SLC4A10: variants seen among roughly 807,000 people sequenced by gnomAD.
The protein encoded by SLC4A10 is sodium-driven chloride bicarbonate exchanger.
SLC4A10 carries 42 observed loss-of-function variants against 137.7 expected under a neutral mutation model. That is an observed-to-expected ratio of 0.30 (90% CI 0.24 to 0.39). SLC4A10 has a LOEUF of 0.39. Among genes scored for constraint, SLC4A10 ranks in the 10% least tolerant of loss-of-function variants. SLC4A10 has a pLI of 1.00. For synonymous variants in SLC4A10, 474 were observed against 464.1 expected (o/e 1.02, Z -0.27); for missense variants, 925 against 1,355.0 (o/e 0.68, Z 4.98).
intron 15 of SLC4A10, among the ~76,000 whole-genome samples, chr2:161,912,591 C>T (rs895577487): frequency 6.6e-6 from 1 of 152,066 alleles, no homozygotes; most frequent in Non-Finnish European, 1.5e-5. Flanking sequence ...GTATTCTGAT[C>T]AGGAGTCCTA....
chr2:161,770,620 A>C (rs961761246), intron 1 of SLC4A10, among the ~76,000 whole-genome samples: 3 of 151,892 alleles, frequency 2.0e-5, no homozygotes, highest in African/African-American at 7.2e-5. Flanking sequence ...GCATAGTTCA[A>C]AATGTCATCT....
intron 1 of SLC4A10, among the ~76,000 whole-genome samples, chr2:161,682,736 G>A (rs563652398): frequency 6.6e-6 from 1 of 152,126 alleles, no homozygotes; most frequent in East Asian, 1.9e-4. Context: ...GAACGGCTAG[G>A]TATTCTTTCT....
At chr2:161,816,710 G>T (rs1478409822) in intron 3 of SLC4A10, among the ~76,000 whole-genome samples, 1 of 142,130 alleles carries the variant, frequency 7.0e-6, no homozygotes, top group African/African-American at 2.6e-5. Context: ...ATTCCCACCT[G>T]TGAGTGACAA....
chr2:161,677,100 T>G (rs1318320328), intron 1 of SLC4A10, among the ~76,000 whole-genome samples: 1 of 152,164 alleles, frequency 6.6e-6, no homozygotes, highest in Non-Finnish European at 1.5e-5. Context: ...GGATCCCTCA[T>G]GAATGGCTTG....
intron 1 of SLC4A10, among the ~76,000 whole-genome samples, chr2:161,629,005 C>T (rs1411808653): frequency 3.3e-5 from 5 of 151,862 alleles, no homozygotes. Flanking sequence ...TTCTTTCTAA[C>T]CTTGAATGAT....
At chr2:161,891,588 A>G (rs2062927673) in intron 10 of SLC4A10, among the ~76,000 whole-genome samples, 1 of 151,646 alleles carries the variant, frequency 6.6e-6, no homozygotes, top group South Asian at 2.1e-4. Context: ...TGATTGATTC[A>G]GCTATCAATA....
chr2:161,702,005 C>A (rs2043173200), intron 1 of SLC4A10, among the ~76,000 whole-genome samples: 1 of 151,770 alleles, frequency 6.6e-6, no homozygotes, highest in Non-Finnish European at 1.5e-5. Flanking sequence ...GGAAGTTCCT[C>A]AAAAACTAAA....
chr2:161,950,877 A>C, intron 19 of SLC4A10, 29 bp downstream of exon 19: 1 of 1,537,008 alleles, frequency 6.5e-7, no homozygotes, highest in South Asian at 1.2e-5. Flanking sequence ...TTTAATGTAA[A>C]TAATTATGAC....
chr2:161,787,795 T>A (rs936214705), intron 2 of SLC4A10, among the ~76,000 whole-genome samples: 1 of 152,154 alleles, frequency 6.6e-6, no homozygotes, highest in African/African-American at 2.4e-5. Context: ...ATAGCTATCT[T>A]GTCTTTCATT....
intron 3 of SLC4A10, 100 bp from the exon 4 acceptor site, chr2:161,839,689 G>T: frequency 1.5e-6 from 2 of 1,340,294 alleles, no homozygotes; most frequent in Non-Finnish European, 2.1e-6. Context: ...GCTTGGGGTG[G>T]TGCGAGCTTG....
At chr2:161,794,231 T>A (rs1266983167) in intron 2 of SLC4A10, among the ~76,000 whole-genome samples, 1 of 152,174 alleles carries the variant, frequency 6.6e-6, no homozygotes, top group East Asian at 1.9e-4. Context: ...TGTGGACTAT[T>A]TTCCCCAACT....
chr2:161,834,751 A>G (rs748995475), intron 3 of SLC4A10, among the ~76,000 whole-genome samples: 1 of 151,612 alleles, frequency 6.6e-6, no homozygotes, highest in Non-Finnish European at 1.5e-5. Context: ...TTCTATAACC[A>G]TCAATCACTC....
chr2:161,655,671 A>G (rs771044077), intron 1 of SLC4A10, among the ~76,000 whole-genome samples: 2 of 152,198 alleles, frequency 1.3e-5, no homozygotes, highest in Non-Finnish European at 2.9e-5. Context: ...GAATATATTT[A>G]AATTCATTTC....
At chr2:161,910,789 A>C (rs1390035880) in intron 15 of SLC4A10, among the ~76,000 whole-genome samples, 1 of 151,820 alleles carries the variant, frequency 6.6e-6, no homozygotes, top group Non-Finnish European at 1.5e-5. Flanking sequence ...CAAAGTAGTG[A>C]TCTGTTTTGA....
At chr2:161,914,203 A>G (rs1686547069) in intron 15 of SLC4A10, among the ~76,000 whole-genome samples, 1 of 152,208 alleles carries the variant, frequency 6.6e-6, no homozygotes, top group Admixed American at 6.5e-5. Flanking sequence ...CAGCTTATGC[A>G]TTTTACATTT....
intron 1 of SLC4A10, among the ~76,000 whole-genome samples, chr2:161,756,102 G>C (rs926771608): frequency 3.9e-5 from 6 of 152,088 alleles, no homozygotes; most frequent in Non-Finnish European, 7.4e-5. Context: ...CATTTTAAAA[G>C]TATGCTGTAC....
chr2:161,665,520 TG>T (rs1390687383), intron 1 of SLC4A10, among the ~76,000 whole-genome samples: 2 of 151,542 alleles, frequency 1.3e-5, no homozygotes, highest in Non-Finnish European at 3.0e-5. Context: ...TGAAGTCCTG[TG>T]GAAAAAAAAG....
At chr2:161,706,703 G>C (rs990149200) in intron 1 of SLC4A10, among the ~76,000 whole-genome samples, 1 of 151,424 alleles carries the variant, frequency 6.6e-6, no homozygotes, top group Non-Finnish European at 1.5e-5. Flanking sequence ...CCGTGACTGG[G>C]CCTCACTTCT....
chr2:161,968,403 A>T (rs1697967600), intron 23 of SLC4A10, among the ~76,000 whole-genome samples: 1 of 152,162 alleles, frequency 6.6e-6, no homozygotes, highest in South Asian at 2.1e-4. Context: ...CTGTTCTCTG[A>T]TTATGAAGAT....
Sources: allele counts gnomAD v4.1 joint callset (sites outside exome capture counted in the v4.1 genomes callset), GRCh38; gene constraint gnomAD v4.1.1; transcripts MANE v1.5; gene names NCBI Gene and HGNC (gene_info 2026-07-23, HGNC 2026-07-21).